Variants in RFX6 observed in about 807,000 individuals in gnomAD.
RFX6 encodes DNA-binding protein RFX6.
In RFX6, 50 loss-of-function variants were observed where a neutral mutation model predicts 110.8. The observed-to-expected ratio is 0.45, with a 90% CI of 0.36 to 0.57. The LOEUF is 0.57. Ranked by LOEUF, RFX6 falls within the 20% of genes least tolerant of loss-of-function variation. The pLI is 0.00. For missense variants in RFX6, 990 were observed against 1,127.0 expected (o/e 0.88, Z 1.74); for synonymous variants, 383 against 411.2 (o/e 0.93, Z 0.83).
intron 10 of RFX6, 38 bp downstream of exon 10, chr6:116,918,124 A>G: frequency 1.4e-6 from 2 of 1,404,198 alleles, no homozygotes; most frequent in South Asian, 1.2e-5. Context: ...TTCCTAGTAT[A>G]GGATTTAACT....
At chr6:116,880,701 A>T in intron 3 of RFX6, 34 bp downstream of exon 3, 1 of 1,608,738 alleles carries the variant, frequency 6.2e-7, no homozygotes. Context: ...GTGACTTATA[A>T]CTAAAGTCAT....
intron 6 of RFX6, among the ~76,000 whole-genome samples, chr6:116,898,595 A>G (rs890041827): frequency 6.6e-6 from 1 of 152,202 alleles, no homozygotes; most frequent in Non-Finnish European, 1.5e-5. Context: ...AAAGAAAGGA[A>G]AGTTGAGAGC....
At chr6:116,915,849 C>A (rs566708965) in intron 7 of RFX6, among the ~76,000 whole-genome samples, 159 bp from the exon 8 acceptor site, 2 of 152,104 alleles carry the variant, frequency 1.3e-5, no homozygotes, top group South Asian at 4.1e-4. Flanking sequence ...GCAGTAAGAT[C>A]CTTGAAATAA....
chr6:116,927,430 C>T lies in RFX6; in HGVS notation c.2289C>T (p.Ala763=). 6.2e-7 allele frequency: 1 copy of T among 1,614,128 alleles called. No individual in the cohort carries two copies. Residue 763 remains alanine, a synonymous_variant, in exon 17 of 19, where the codon GCC becomes GCT. Coordinates refer to ENST00000332958, the MANE Select transcript of RFX6 (RefSeq NM_173560.4). The part of the protein sequence containing the change: ...PPSSYGPSLQ[A]QDSHNMQFLN... ...CTAGCTATGGCCCATCCCTGCAAGC[C>T]CAGGATTCACACAATATGCAGTTTT...
Position 116,883,538 on chromosome 6 carries a change from T to C in RFX6, c.566+1110T>C, listed in dbSNP as rs575449500. Among the ~76,000 whole-genome samples, 6 of 152,296 alleles carry C rather than the reference T, an allele frequency of 3.9e-5. No individual in the cohort carries two copies. In the East Asian group the frequency reaches 1.2e-3, roughly 29 times the overall value. On this transcript the variant is annotated intron_variant, in intron 4 of 18. Transcript: ENST00000332958. ...TTAATGTTTTATGTAATCCAATTTA[T>C]CCAAAACATTATTATCTCACTATGG...
intron 4 of RFX6, among the ~76,000 whole-genome samples, chr6:116,883,905 C>G (rs770965117): frequency 3.9e-4 from 60 of 152,154 alleles, no homozygotes; most frequent in Non-Finnish European, 6.3e-4. Flanking sequence ...CTTCCATGTT[C>G]AAAACCTCCA....
Position 116,925,510 on chromosome 6 carries a change from A to G in RFX6, c.1736A>G (p.Asn579Ser). The G allele has an allele frequency of 6.2e-7, 1 of 1,614,172 alleles. No individual in the cohort carries two copies. The highest frequency in any genetic ancestry group is 8.5e-7 in the Non-Finnish European group (1 of 1,180,002). ...SPSSCFLANR[N>S]KGSMVSSDAV... is the part of the protein sequence containing the mutation. Reference sequence around the variant, plus strand: ...AGTTCATGCTTTCTGGCCAACCGTAATAAAGGGAGCATGGTTTCCAGCGAC... The same window carrying G: ...AGTTCATGCTTTCTGGCCAACCGTAGTAAAGGGAGCATGGTTTCCAGCGAC... Residue 579 changes from asparagine (N) to serine (S), a missense_variant, in exon 16 of 19, where the codon AAT becomes AGT. By Grantham distance (46) the Asn-to-Ser change is conservative. Coordinates refer to ENST00000332958, the MANE Select transcript of RFX6 (RefSeq NM_173560.4).
At chr6:116,912,663 T>C (rs1037944814) in intron 7 of RFX6, among the ~76,000 whole-genome samples, 4 of 152,116 alleles carry the variant, frequency 2.6e-5, no homozygotes, top group Non-Finnish European at 5.9e-5. Context: ...TGCAAACTTA[T>C]CATGAAGATG....
At chr6:116,899,745 C>T (rs928652102) in intron 6 of RFX6, among the ~76,000 whole-genome samples, 1 of 152,040 alleles carries the variant, frequency 6.6e-6, no homozygotes, top group African/African-American at 2.4e-5. Flanking sequence ...TATATGTCTA[C>T]CCCACTTCTG....
chr6:116,919,757 A>G (rs1775552187), intron 11 of RFX6, among the ~76,000 whole-genome samples: 1 of 152,218 alleles, frequency 6.6e-6, no homozygotes, highest in Non-Finnish European at 1.5e-5. Flanking sequence ...CACATTTTAA[A>G]CTGCCGACTA....
chr6:116,928,165 T>C (rs548281116), intron 17 of RFX6, among the ~76,000 whole-genome samples: 1 of 152,130 alleles, frequency 6.6e-6, no homozygotes, highest in South Asian at 2.1e-4. Context: ...TTTGAAAACA[T>C]TTTTAGTGGA....
chr6:116,919,694 G>A (rs1264455704), intron 11 of RFX6, among the ~76,000 whole-genome samples: 3 of 152,152 alleles, frequency 2.0e-5, no homozygotes, highest in African/African-American at 7.2e-5. Context: ...ACAAATTAAG[G>A]TTGTGAGAAG....
At chr6:116,895,543 A>G (rs1437106337) in intron 6 of RFX6, among the ~76,000 whole-genome samples, 1 of 152,160 alleles carries the variant, frequency 6.6e-6, no homozygotes, top group East Asian at 1.9e-4. Context: ...GAGGATATGG[A>G]AAGAATTGGT....
chr6:116,922,807 T>C (rs1775630373), intron 13 of RFX6, among the ~76,000 whole-genome samples: 1 of 152,160 alleles, frequency 6.6e-6, no homozygotes. Flanking sequence ...CACCTTCTGT[T>C]CTTTTTAAAG....
rs1202660561 is a variant in RFX6 at position 116,928,990 on chromosome 6, T to C, written c.2611+19T>C. 4 of 1,514,890 alleles carry C rather than the reference T, an allele frequency of 2.6e-6. No individual in the cohort carries two copies. The highest frequency in any genetic ancestry group is 3.7e-6 in the Non-Finnish European group (4 of 1,089,480). 93.8% of individuals were successfully genotyped at this position (1,514,890 alleles called of 1,614,324 possible). On this transcript the variant is annotated intron_variant, in intron 18 of 18. Transcript: ENST00000332958. ...GTCCTAGGTAAATTATTTTAGCAGT[T>C]CTTGAAAACATTTTAAGAAGTTGTT...
chr6:116,931,229 G>A, intron 18 of RFX6, 102 bp from the exon 19 acceptor site: 1 of 869,770 alleles, frequency 1.1e-6, no homozygotes, highest in Non-Finnish European at 2.0e-6. Flanking sequence ...AGGTATGTGT[G>A]CTAAGTGCAA....
At position 116,902,793 on chromosome 6, in the gene RFX6, C is replaced by T. The variant is rs372014504; in HGVS notation, c.672+7586C>T. ...CTTTGTACCAAGATAAATATCAAAT[C>T]CTCCCTCCTTGGTATATGCTTTTCA... On this transcript the variant is annotated intron_variant, in intron 6 of 18. Coordinates refer to ENST00000332958, the MANE Select transcript of RFX6 (RefSeq NM_173560.4). 3.9e-5 allele frequency among the ~76,000 whole-genome samples: 6 copies of T among 152,020 alleles called. No homozygotes were observed. The East Asian group carries it at 9.6e-4, about 24-fold the overall frequency.
chr6:116,920,942 G>A (rs565973384), intron 12 of RFX6, among the ~76,000 whole-genome samples: 2 of 152,230 alleles, frequency 1.3e-5, no homozygotes, highest in African/African-American at 4.8e-5. Context: ...TCATCCTGTG[G>A]TGTGTGATAA....
chr6:116,916,293 T>G lies in RFX6; in HGVS notation c.951T>G (p.Val317=). The G allele has an allele frequency of 6.2e-7, 1 of 1,609,644 alleles. No homozygotes were observed. Among genetic ancestry groups the G allele is most frequent in the Non-Finnish European group, 8.5e-7 (1 of 1,176,240 alleles). Residue 317 remains valine, a synonymous_variant, in exon 9 of 19, where the codon GTT becomes GTG. Transcript: ENST00000332958. ...CTGTTATCATTGATATTTTCTGTGT[T>G]TGTGACTCAATTCTTTATAAGGTAA... ...ENPVIIDIFC[V]CDSILYKVLT...
Sources: allele counts gnomAD v4.1 joint callset (sites outside exome capture counted in the v4.1 genomes callset), GRCh38; gene constraint gnomAD v4.1.1; transcripts MANE v1.5; gene names NCBI Gene and HGNC (gene_info 2026-07-23, HGNC 2026-07-21).